Variants in ANKRD26 observed in about 807,000 individuals in gnomAD.
The protein encoded by ANKRD26 is ankyrin repeat domain-containing protein 26.
In ANKRD26, 141 loss-of-function variants were observed where a neutral mutation model predicts 208.7. That is an observed-to-expected ratio of 0.68 (90% CI 0.59 to 0.78). The LOEUF (loss-of-function observed/expected upper bound fraction) is 0.78. Among genes scored for constraint, ANKRD26 ranks in the 30% least tolerant of loss-of-function variants. The pLI, the probability that ANKRD26 is intolerant of heterozygous loss-of-function variation, is 0.00. For missense variants in ANKRD26, 1,889 were observed against 1,938.7 expected (o/e 0.97, Z 0.48); for synonymous variants, 636 against 660.4 (o/e 0.96, Z 0.57).
chr10:27,009,953 G>A (rs1246832622), intron 32 of ANKRD26, among the ~76,000 whole-genome samples: 1 of 152,144 alleles, frequency 6.6e-6, no homozygotes, highest in Non-Finnish European at 1.5e-5. Context: ...TGGCTAATTA[G>A]AAGGATTCTT....
At chr10:27,013,618 T>C (rs185024847) in intron 31 of ANKRD26, among the ~76,000 whole-genome samples, 2 of 152,350 alleles carry the variant, frequency 1.3e-5, no homozygotes, top group East Asian at 3.9e-4. Flanking sequence ...AAAATACTTG[T>C]ATTTAGTAAA....
downstream of ANKRD26, among the ~76,000 whole-genome samples, chr10:26,972,703 C>G (rs527454100): frequency 2.7e-4 from 41 of 151,226 alleles, 2 homozygotes; most frequent in South Asian, 1.3e-3. Flanking sequence ...CCATTCTCCT[C>G]CCTCAGCCTC....
At chr10:26,961,922 G>C in the ANKRD26 span, among the ~76,000 whole-genome samples, 1 of 152,162 alleles carries the variant, frequency 6.6e-6, no homozygotes, top group East Asian at 1.9e-4. Context: ...ATATATTAAA[G>C]TGACAACAAA....
chr10:27,003,504 A>G (rs2052771751), downstream of ANKRD26, among the ~76,000 whole-genome samples: 1 of 152,224 alleles, frequency 6.6e-6, no homozygotes, highest in African/African-American at 2.4e-5. Flanking sequence ...GATATTTACA[A>G]AGCCTCAAAG....
chr10:26,974,542 G>A (rs1412391544), exon 6 of ANKRD26, among the ~76,000 whole-genome samples: 4 of 152,134 alleles, frequency 2.6e-5, no homozygotes, highest in African/African-American at 7.2e-5. Flanking sequence ...GGGTTTCACC[G>A]TGTTAGCCAG....
At chr10:27,019,321 A>T (rs922332630) in intron 29 of ANKRD26, among the ~76,000 whole-genome samples, 1 of 152,094 alleles carries the variant, frequency 6.6e-6, no homozygotes, top group Admixed American at 6.6e-5. Flanking sequence ...AAGATGGGAC[A>T]ATATTAAACT....
chr10:26,955,878 C>G, the ANKRD26 span, among the ~76,000 whole-genome samples: 2 of 152,154 alleles, frequency 1.3e-5, no homozygotes, highest in Admixed American at 6.5e-5. Flanking sequence ...ATCTCCTTCC[C>G]AACTCCTTTC....
Position 27,033,859 on chromosome 10 carries a change from G to A in ANKRD26, c.3655-482C>T, listed in dbSNP as rs184676609. Reference sequence around the variant, plus strand: ...ATTCCAATGGCCTTAGAGGCCCTAGGTAACCTGGCCTCCACTTGCCTCCCT... The same window carrying A: ...ATTCCAATGGCCTTAGAGGCCCTAGATAACCTGGCCTCCACTTGCCTCCCT... On this transcript the variant is annotated intron_variant, in intron 24 of 33. Transcript: ENST00000376087. Among the ~76,000 whole-genome samples the A allele has an allele frequency of 2.6e-5, 4 of 152,162 alleles. No individual in the cohort carries two copies. In the East Asian group the frequency reaches 7.7e-4, roughly 29 times the overall value.
intron 15 of ANKRD26, among the ~76,000 whole-genome samples, chr10:27,056,128 G>A (rs189286357): frequency 2.4e-3 from 358 of 152,292 alleles, no homozygotes; most frequent in African/African-American, 8.1e-3. Context: ...TCCGGTTGTA[G>A]GTTACATAAG....
chr10:27,037,849 T>G (rs2054093860), intron 22 of ANKRD26, 22 bp downstream of exon 22: 2 of 1,556,218 alleles, frequency 1.3e-6, no homozygotes, highest in African/African-American at 2.7e-5. Context: ...AAATATAAAA[T>G]TTTTATCAAA....
At chr10:27,027,577 T>A (rs2053705590) in intron 27 of ANKRD26, among the ~76,000 whole-genome samples, 1 of 152,190 alleles carries the variant, frequency 6.6e-6, no homozygotes. Context: ...TCTATCATAA[T>A]CTTTTTTATT....
At chr10:27,037,844 T>A in intron 22 of ANKRD26, 27 bp downstream of exon 22, 1 of 1,525,784 alleles carries the variant, frequency 6.6e-7, no homozygotes, top group Non-Finnish European at 9.0e-7. Context: ...GTTAAAAATA[T>A]AAAATTTTTA....
intron 29 of ANKRD26, among the ~76,000 whole-genome samples, chr10:27,018,327 G>C (rs1436295014): frequency 6.6e-6 from 1 of 151,496 alleles, no homozygotes; most frequent in East Asian, 1.9e-4. Context: ...GTAGAGACAG[G>C]GTTTCACCAT....
At chr10:27,034,775 T>C in intron 24 of ANKRD26, 21 bp downstream of exon 24, 1 of 1,544,826 alleles carries the variant, frequency 6.5e-7, no homozygotes, top group Non-Finnish European at 8.9e-7. Flanking sequence ...TTGAAAAATA[T>C]TTATCTTTCT....
At chr10:27,042,796 TAC>T (rs2054297547) in intron 20 of ANKRD26, among the ~76,000 whole-genome samples, 1 of 24,560 alleles carries the variant, frequency 4.1e-5, no homozygotes, top group East Asian at 1.0e-3. Context: ...AACAAAAAAA[TAC>T]AAAAAAAAAA....
chr10:27,078,671 C>T (rs2055786369), intron 7 of ANKRD26, among the ~76,000 whole-genome samples: 1 of 151,990 alleles, frequency 6.6e-6, no homozygotes, highest in South Asian at 2.1e-4. Context: ...AAATGATCAT[C>T]TACTACTACC....
chr10:27,050,219 CAAAAAA>C (rs67384671), intron 16 of ANKRD26, among the ~76,000 whole-genome samples: 70 of 33,034 alleles, frequency 2.1e-3, no homozygotes, highest in East Asian at 0.013. Flanking sequence ...GAATCTGTCT[CAAAAAA>C]AAAAAAAAAA....
At chr10:27,071,709 A>G (rs1286618506) in intron 9 of ANKRD26, among the ~76,000 whole-genome samples, 1 of 152,110 alleles carries the variant, frequency 6.6e-6, no homozygotes, top group Non-Finnish European at 1.5e-5. Context: ...AGTGTACACG[A>G]TGAACCAGGT....
the ANKRD26 span, among the ~76,000 whole-genome samples, chr10:26,948,400 C>T: frequency 6.6e-6 from 1 of 152,294 alleles, no homozygotes; most frequent in South Asian, 2.1e-4. Flanking sequence ...CCTACTCCTT[C>T]TTGGGCTAAA....
Sources: allele counts gnomAD v4.1 joint callset (sites outside exome capture counted in the v4.1 genomes callset), GRCh38; gene constraint gnomAD v4.1.1; transcripts MANE v1.5; gene names NCBI Gene and HGNC (gene_info 2026-07-23, HGNC 2026-07-21).